Variants in KCNQ5 observed in about 807,000 individuals in gnomAD.
KCNQ5 encodes the protein potassium voltage-gated channel subfamily Q member 5.
KCNQ5 carries 30 observed loss-of-function variants against 98.2 expected under a neutral mutation model. That is an observed-to-expected ratio of 0.31 (90% CI 0.23 to 0.41). The LOEUF is 0.41. Among genes scored for constraint, KCNQ5 ranks in the 10% least tolerant of loss-of-function variants. The pLI is 1.00. For missense variants in KCNQ5, 835 were observed against 1,182.5 expected (o/e 0.71, Z 4.31); for synonymous variants, 458 against 449.4 (o/e 1.02, Z -0.24).
intron 5 of KCNQ5, among the ~76,000 whole-genome samples, chr6:73,079,572 A>G (rs1462654338): frequency 6.6e-6 from 1 of 152,208 alleles, no homozygotes; most frequent in Non-Finnish European, 1.5e-5. Flanking sequence ...ATGAATAAAA[A>G]TGAGAAATAC....
chr6:72,948,689 T>C (rs1363889115), intron 1 of KCNQ5, among the ~76,000 whole-genome samples: 1 of 152,166 alleles, frequency 6.6e-6, no homozygotes, highest in African/African-American at 2.4e-5. Flanking sequence ...AGGTTATTTG[T>C]TGTACTAATA....
At chr6:72,771,652 CTGTGTG>C (rs150518788) in intron 1 of KCNQ5, among the ~76,000 whole-genome samples, 29 of 147,864 alleles carry the variant, frequency 2.0e-4, no homozygotes, top group African/African-American at 3.5e-4. Flanking sequence ...AACCATTTCA[CTGTGTG>C]TGTGTGTGTG....
chr6:72,973,998 C>T (rs1347461786), intron 1 of KCNQ5, among the ~76,000 whole-genome samples: 1 of 152,076 alleles, frequency 6.6e-6, no homozygotes, highest in Non-Finnish European at 1.5e-5. Context: ...ATGATGGGCC[C>T]TTTATCATGA....
chr6:72,725,424 AG>A lies in KCNQ5; in HGVS notation c.398+102838del, dbSNP rs1258313244. On this transcript the variant is annotated intron_variant, in intron 1 of 13. Coordinates refer to ENST00000370398, the MANE Select transcript of KCNQ5 (RefSeq NM_019842.4). ...TATGTGGGAGGACATTTCTTGAAGA[AG>A]TGTAGTAGAAAAAGAGAATTTCTAT... 3.3e-5 allele frequency among the ~76,000 whole-genome samples: 5 copies of A among 152,164 alleles called. No homozygotes were observed. The East Asian group carries it at 9.6e-4, about 29-fold the overall frequency.
chr6:72,984,448 C>T (rs1768643220), intron 1 of KCNQ5, among the ~76,000 whole-genome samples: 1 of 152,228 alleles, frequency 6.6e-6, no homozygotes, highest in South Asian at 2.1e-4. Flanking sequence ...AGGCTGCCGC[C>T]TCACAGTTTG....
chr6:73,185,984 G>C (rs1778556425), intron 11 of KCNQ5, among the ~76,000 whole-genome samples: 1 of 152,202 alleles, frequency 6.6e-6, no homozygotes, highest in Admixed American at 6.5e-5. Context: ...CAGCCCTTTG[G>C]AAGGCCAAGG....
intron 2 of KCNQ5, among the ~76,000 whole-genome samples, chr6:73,017,926 C>T (rs920603817): frequency 6.6e-6 from 1 of 152,038 alleles, no homozygotes; most frequent in Admixed American, 6.6e-5. Context: ...TAAAAGAGGA[C>T]CACCCCTAGG....
intron 1 of KCNQ5, among the ~76,000 whole-genome samples, chr6:72,939,643 G>T (rs752058622): frequency 6.6e-6 from 1 of 152,064 alleles, no homozygotes; most frequent in Non-Finnish European, 1.5e-5. Flanking sequence ...GTATGCTTCC[G>T]CACTGATTAA....
At chr6:73,055,795 G>C (rs555268649) in intron 3 of KCNQ5, 2 of 856,410 alleles carry the variant, frequency 2.3e-6, no homozygotes, top group South Asian at 2.6e-5. Context: ...GTTCCTAGGG[G>C]ATGAAGAGAC....
chr6:72,958,446 T>A (rs1482035841), intron 1 of KCNQ5, among the ~76,000 whole-genome samples: 1 of 152,172 alleles, frequency 6.6e-6, no homozygotes, highest in Non-Finnish European at 1.5e-5. Context: ...ATTCTACACA[T>A]CCCTCCATCA....
At position 73,192,578 on chromosome 6, in the gene KCNQ5, C is replaced by A; in HGVS notation, c.1723C>A (p.Leu575Ile). 1 of 1,608,206 alleles carries A rather than the reference C, an allele frequency of 6.2e-7. No homozygotes were observed. Among genetic ancestry groups the A allele is most frequent in the South Asian group, 1.1e-5 (1 of 90,018 alleles). The change falls in exon 13 of 14, where the codon CTT becomes ATT. Residue 575 changes from leucine to isoleucine, a missense_variant. Coordinates refer to ENST00000370398, the MANE Select transcript of KCNQ5 (RefSeq NM_019842.4). ...KSLQTRVDQI[L>I]GKGQITSDKK... ...TTTCTCTGATAGTGTTGATCAAATT[C>A]TTGGAAAAGGGCAAATCACATCAGA...
At chr6:72,959,682 ACT>A (rs1425756602) in intron 1 of KCNQ5, among the ~76,000 whole-genome samples, 1 of 152,208 alleles carries the variant, frequency 6.6e-6, no homozygotes, top group African/African-American at 2.4e-5. Context: ...AATAAATCAC[ACT>A]GTCTCATTTT....
intron 2 of KCNQ5, among the ~76,000 whole-genome samples, chr6:73,039,501 A>G (rs575686452): frequency 1.1e-3 from 160 of 152,178 alleles, no homozygotes; most frequent in African/African-American, 3.6e-3. Context: ...TGCATCCTAC[A>G]TATTTTGTTA....
At chr6:73,021,542 C>G (rs1021379648) in intron 2 of KCNQ5, among the ~76,000 whole-genome samples, 2 of 152,062 alleles carry the variant, frequency 1.3e-5, no homozygotes, top group South Asian at 2.1e-4. Flanking sequence ...AAGAGTGGAC[C>G]CTTATTGTTT....
chr6:72,749,474 T>C (rs551304209), intron 1 of KCNQ5, among the ~76,000 whole-genome samples: 2 of 152,194 alleles, frequency 1.3e-5, no homozygotes, highest in Admixed American at 1.3e-4. Flanking sequence ...AAAAAAAATT[T>C]CTCAGACTTT....
chr6:73,051,409 T>C (rs1371403660), intron 3 of KCNQ5, among the ~76,000 whole-genome samples: 2 of 152,088 alleles, frequency 1.3e-5, no homozygotes, highest in Admixed American at 1.3e-4. Context: ...CACTTACAAA[T>C]GAGCACAGAT....
In KCNQ5 at chr6:73,195,289, C is replaced by T. The variant is rs1171337782; in HGVS notation, c.2674C>T (p.Pro892Ser). 6.2e-7 allele frequency: 1 copy of T among 1,614,064 alleles called. No individual in the cohort carries two copies. Among genetic ancestry groups the T allele is most frequent in the African/African-American group, 1.3e-5 (1 of 74,922 alleles). ...AGACACTTTTGATGCCGCACCGCAG[C>T]CTGCCAGGGAAGCTGCCTTTGCATC... ...ETDTFDAAPQ[P>S]AREAAFASDS... Residue 892 changes from proline to serine, a missense_variant, in exon 14 of 14, where the codon CCT becomes TCT. Pro to Ser is a moderately conservative substitution (Grantham distance 74). Transcript: ENST00000370398.
chr6:72,769,134 G>A (rs371601582), intron 1 of KCNQ5, among the ~76,000 whole-genome samples: 1 of 152,042 alleles, frequency 6.6e-6, no homozygotes, highest in Non-Finnish European at 1.5e-5. Flanking sequence ...CTCCAGAAGA[G>A]AACAGAGTTA....
At chr6:72,928,654 G>T (rs1481684569) in intron 1 of KCNQ5, among the ~76,000 whole-genome samples, 1 of 151,836 alleles carries the variant, frequency 6.6e-6, no homozygotes, top group East Asian at 1.9e-4. Context: ...CAAATCTCTA[G>T]CTAGCTAGCT....
Sources: gnomAD v4.1 joint callset for allele counts (sites outside exome capture counted in the v4.1 genomes callset) on GRCh38, gnomAD v4.1.1 for gene constraint, MANE v1.5 for transcripts, NCBI Gene and HGNC (gene_info 2026-07-23, HGNC 2026-07-21) for gene names.